Variants in CHRNA1 observed in about 807,000 individuals in gnomAD.
The protein encoded by CHRNA1 is cholinergic receptor nicotinic alpha 1 subunit.
Under a neutral mutation model 47.1 loss-of-function variants are expected in CHRNA1, and 35 were observed. That is an observed-to-expected ratio of 0.74 (90% CI 0.57 to 0.99). CHRNA1 has a LOEUF of 0.99. Among genes scored for constraint, CHRNA1 ranks in the 50% least tolerant of loss-of-function variants. The pLI is 0.00. For synonymous variants in CHRNA1, 229 were observed against 223.6 expected, an observed-to-expected ratio of 1.02 and a Z score of -0.22; for missense variants, 506 against 591.1, an observed-to-expected ratio of 0.86 and a Z score of 1.49.
chr2:174,763,746 C>G (rs1444210059), intron 1 of CHRNA1, among the ~76,000 whole-genome samples: 1 of 148,834 alleles, frequency 6.7e-6, no homozygotes, highest in African/African-American at 2.5e-5. Flanking sequence ...ATAGTAACAT[C>G]TTAAAAAAAA....
At position 174,753,626 on chromosome 2, in the gene CHRNA1, G is replaced by T. The variant is rs150638770; in HGVS notation, c.655C>A (p.Leu219Met). The change falls in exon 6 of 9, where the codon CTG (leucine) becomes ATG (methionine). Residue 219 changes from leucine to methionine, a missense_variant. Coordinates refer to ENST00000348749, the MANE Select transcript of CHRNA1 (RefSeq NM_000079.4). ...TYSCCPDTPYLDITYHFVMQR... is the reference protein window; with the variant it reads ...TYSCCPDTPYMDITYHFVMQR... ...ATGACGAAGTGGTAGGTGATGTCCA[G>T]GTAGGGGGTGTCGGGGCAGCAGGAA... 1.2e-6 allele frequency: 2 copies of T among 1,614,148 alleles called. No individual in the cohort carries two copies. Among genetic ancestry groups the T allele is most frequent in the Non-Finnish European group, 1.7e-6 (2 of 1,180,036 alleles).
At chr2:174,755,541 C>A (rs6751869) in intron 4 of CHRNA1, among the ~76,000 whole-genome samples, 20,533 of 151,744 alleles carry the variant, frequency 0.14, 2,357 homozygotes, top group African/African-American at 0.31. Flanking sequence ...TGCCTCAGCT[C>A]CCGAGTAGCT....
At position 174,747,969 on chromosome 2, in the gene CHRNA1, TA is replaced by T; in HGVS notation, c.*154del. The T allele has an allele frequency of 1.0e-6, 1 of 989,186 alleles. No homozygotes were observed. The highest frequency in any genetic ancestry group is 1.5e-6 in the Non-Finnish European group (1 of 655,736). The allele number at this position is 989,186 out of a possible 1,614,324, so 61.3% of individuals were successfully genotyped here. ...GCAATATGAAAACACTTCAAGGCCATAAACTTACATAAAGGTAAATCTTATC... is the reference window on the plus strand; with the variant it reads ...GCAATATGAAAACACTTCAAGGCCATAACTTACATAAAGGTAAATCTTATC... On this transcript the variant is annotated 3_prime_UTR_variant, in exon 9 of 9. Transcript: ENST00000348749.
intron 4 of CHRNA1, among the ~76,000 whole-genome samples, chr2:174,756,014 CA>C (rs1033988586): frequency 1.4e-5 from 2 of 138,822 alleles, no homozygotes; most frequent in African/African-American, 5.4e-5. Context: ...CCAGCCTGAG[CA>C]ATGGAGCAGA....
Position 174,750,126 on chromosome 2 carries a change from A to C in CHRNA1, c.822T>G (p.Thr274=). 6.2e-7 allele frequency: 1 copy of C among 1,613,958 alleles called. No individual in the cohort carries two copies. The highest frequency in any genetic ancestry group is 8.5e-7 in the Non-Finnish European group (1 of 1,179,988). ...TLSISVLLSL[T]VFLLVIVELI... ...GCTCCACGATGACCAGAAGGAACAC[A>C]GTCAAAGACAGTAAGACAGAGATGC... The change falls in exon 7 of 9, where the codon ACT becomes ACG. Residue 274 remains threonine (T), a synonymous_variant. Transcript: ENST00000348749.
At position 174,754,223 on chromosome 2, in the gene CHRNA1, T is replaced by C. The variant is rs772271812; in HGVS notation, c.536A>G (p.Asn179Ser). Residue 179 changes from asparagine to serine, a missense_variant, in exon 5 of 9, where the codon AAC (asparagine) becomes AGC (serine). Transcript: ENST00000348749. ...WTYDGSVVAI[N>S]PESDQPDLSN... ...TCATATGTGGCCACCACCTACCGGG[T>C]TGATGGCCACGACAGAGCCGTCGTA... 103 of 1,613,092 alleles carry C rather than the reference T, an allele frequency of 6.4e-5. No homozygotes were observed. In the Admixed American group the frequency reaches 1.7e-3, roughly 27 times the overall value.
rs775015029 is a variant in CHRNA1, at chr2:174,750,291, C to A, written c.779-122G>T. On this transcript the variant is annotated intron_variant, in intron 6 of 8. Transcript: ENST00000348749. ...TGAGTCCTGGGACCTAAGAATGTGA[C>A]TGTATTTGAAGACAGGGACTTTAAG... The A allele has an allele frequency of 1.2e-3, 934 of 758,010 alleles. 5 individuals are homozygous for A. The highest frequency in any genetic ancestry group is 1.7e-3 in the Non-Finnish European group (777 of 451,068). 47.0% of individuals were successfully genotyped at this position (758,010 alleles called of 1,614,324 possible).
rs766106058 is a variant in CHRNA1 at position 174,759,533 on chromosome 2, G to A, written c.144C>T (p.Val48=). ...VVRPVEDHRQ[V]VEVTVGLQLI... ...GCTGCAGGCCCACGGTGACCTCCAC[G>A]ACCTGGCGGTGGTCTTCCACTGGCC... is the stretch of plus-strand genomic sequence containing the variant. Residue 48 remains valine, a synonymous_variant, in exon 2 of 9, where the codon GTC becomes GTT. Coordinates refer to ENST00000348749, the MANE Select transcript of CHRNA1 (RefSeq NM_000079.4). 113 of 1,613,998 alleles carry A rather than the reference G, an allele frequency of 7.0e-5. No homozygotes were observed. Among genetic ancestry groups the A allele is most frequent in the Middle Eastern group, 1.6e-4 (1 of 6,084 alleles).
chr2:174,756,958 G>A (rs374456571), intron 4 of CHRNA1, among the ~76,000 whole-genome samples: 17 of 152,274 alleles, frequency 1.1e-4, no homozygotes, highest in African/African-American at 3.1e-4. Context: ...AGACCAGAAC[G>A]TCTTGAATAA....
chr2:174,760,213 G>A (rs548525146), intron 1 of CHRNA1, among the ~76,000 whole-genome samples: 3 of 152,176 alleles, frequency 2.0e-5, no homozygotes, highest in South Asian at 2.1e-4. Context: ...GGTACCATAC[G>A]ATCCAGCAAT....
At chr2:174,751,162 A>G (rs183289025) in intron 6 of CHRNA1, among the ~76,000 whole-genome samples, 1 of 152,226 alleles carries the variant, frequency 6.6e-6, no homozygotes, top group East Asian at 1.9e-4. Flanking sequence ...TTTGCATACT[A>G]AGGGAGCAGG....
chr2:174,764,331 A>G (rs1684152056), intron 1 of CHRNA1, 21 bp downstream of exon 1: 1 of 1,611,692 alleles, frequency 6.2e-7, no homozygotes, highest in Non-Finnish European at 8.5e-7. Context: ...CCCTCTCCCC[A>G]CCCCTGACCC....
chr2:174,755,590 T>C (rs1005512307), intron 4 of CHRNA1, among the ~76,000 whole-genome samples: 2 of 151,978 alleles, frequency 1.3e-5, no homozygotes, highest in African/African-American at 4.8e-5. Flanking sequence ...AGCTAATTTT[T>C]TGTATTTTTA....
chr2:174,754,469 T>A, intron 4 of CHRNA1, 55 bp from the exon 5 acceptor site: 1 of 1,510,868 alleles, frequency 6.6e-7, no homozygotes, highest in South Asian at 1.1e-5. Flanking sequence ...AGCCTTCCAT[T>A]CTGCTTGGGG....
intron 3 of CHRNA1, among the ~76,000 whole-genome samples, chr2:174,758,709 T>C (rs1206616741): frequency 2.0e-5 from 3 of 152,112 alleles, no homozygotes; most frequent in Admixed American, 2.0e-4. Context: ...ATGGGTTCAA[T>C]TGTGTCCCCC....
At chr2:174,748,986 C>A (rs942391281) in intron 7 of CHRNA1, among the ~76,000 whole-genome samples, 167 bp from the exon 8 acceptor site, 4 of 152,084 alleles carry the variant, frequency 2.6e-5, no homozygotes, top group Non-Finnish European at 4.4e-5. Context: ...TTCAAAGATC[C>A]CTCTGTATCC....
chr2:174,761,135 G>A (rs925324427), intron 1 of CHRNA1, among the ~76,000 whole-genome samples: 2 of 152,156 alleles, frequency 1.3e-5, no homozygotes, highest in Non-Finnish European at 2.9e-5. Context: ...TGGAAACTCA[G>A]AACTGCAAGT....
intron 1 of CHRNA1, among the ~76,000 whole-genome samples, chr2:174,761,337 G>A (rs1006959834): frequency 3.3e-5 from 5 of 152,154 alleles, no homozygotes; most frequent in African/African-American, 9.7e-5. Flanking sequence ...CTGCAGTGCA[G>A]TAGCTCAATT....
rs1261346012 is a variant in CHRNA1, at chr2:174,753,532, C to A, written c.749G>T (p.Gly250Val). The A allele has an allele frequency of 6.2e-7, 1 of 1,614,116 alleles. No homozygotes were observed. The highest frequency in any genetic ancestry group is 1.1e-5 in the South Asian group (1 of 91,080). ...IPCLLFSFLT[G>V]LVFYLPTDSG... Reference sequence around the variant, plus strand: ...GTCTGTGGGCAGGTAGAATACCAGGCCAGTTAAGAAGGAGAAGAGCAGGCA... The same window carrying A: ...GTCTGTGGGCAGGTAGAATACCAGGACAGTTAAGAAGGAGAAGAGCAGGCA... The change falls in exon 6 of 9, where the codon GGC becomes GTC. Residue 250 changes from glycine (G) to valine (V), a missense_variant. Physicochemically the swap from Gly to Val is moderately radical, Grantham distance 109. Coordinates refer to ENST00000348749, the MANE Select transcript of CHRNA1 (RefSeq NM_000079.4).
Sources: gnomAD v4.1 joint callset for allele counts (sites outside exome capture counted in the v4.1 genomes callset) on GRCh38, gnomAD v4.1.1 for gene constraint, MANE v1.5 for transcripts, NCBI Gene and HGNC (gene_info 2026-07-23, HGNC 2026-07-21) for gene names.